Variants in AFF3 observed in about 807,000 individuals in gnomAD.
AFF3 encodes the protein ALF transcription elongation factor 3.
Under a neutral mutation model 129.7 loss-of-function variants are expected in AFF3, and 32 were observed. The observed-to-expected ratio is 0.25, with a 90% CI of 0.19 to 0.33. The LOEUF (loss-of-function observed/expected upper bound fraction) is 0.33. Ranked by LOEUF, AFF3 falls within the 10% of genes least tolerant of loss-of-function variation. The pLI, the probability that AFF3 is intolerant of heterozygous loss-of-function variation, is 1.00. For synonymous variants in AFF3, 644 were observed against 635.4 expected (o/e 1.01, Z -0.20); for missense variants, 1,373 against 1,592.0 (o/e 0.86, Z 2.34).
At chr2:99,866,962 C>CATA (rs1191700795) in intron 7 of AFF3, among the ~76,000 whole-genome samples, 2,715 of 93,850 alleles carry the variant, frequency 0.029, 48 homozygotes, top group Admixed American at 0.054. Flanking sequence ...GGTAACACAG[C>CATA]ATAATAATAA....
intron 24 of AFF3, among the ~76,000 whole-genome samples, chr2:99,552,998 T>A (rs936244690): frequency 6.6e-6 from 1 of 152,172 alleles, no homozygotes; most frequent in Non-Finnish European, 1.5e-5. Flanking sequence ...AATGGTGCGA[T>A]CTTGGCTGTC....
chr2:99,619,721 G>A (rs1354880009), intron 13 of AFF3, among the ~76,000 whole-genome samples: 3 of 152,136 alleles, frequency 2.0e-5, no homozygotes, highest in Non-Finnish European at 4.4e-5. Context: ...TCTTTAGGTG[G>A]ATTCGCCTCA....
chr2:99,715,621 C>T (rs1339130500), intron 11 of AFF3, among the ~76,000 whole-genome samples: 2 of 151,902 alleles, frequency 1.3e-5, no homozygotes, highest in East Asian at 1.9e-4. Context: ...TTTTTTCCTC[C>T]GAGGAGTTCA....
chr2:99,869,120 T>C (rs575472656), intron 7 of AFF3, among the ~76,000 whole-genome samples: 1 of 152,180 alleles, frequency 6.6e-6, no homozygotes, highest in South Asian at 2.1e-4. Context: ...TTAATATAAG[T>C]TCCTAGTTCT....
chr2:99,667,936 C>T (rs1686818915), intron 12 of AFF3, among the ~76,000 whole-genome samples: 1 of 151,844 alleles, frequency 6.6e-6, no homozygotes, highest in South Asian at 2.1e-4. Context: ...GCGGGTAGAT[C>T]ATGAGGTCAG....
intron 17 of AFF3, 100 bp downstream of exon 17, chr2:99,582,698 A>AC: frequency 7.7e-7 from 1 of 1,294,264 alleles, no homozygotes; most frequent in Non-Finnish European, 1.1e-6. Flanking sequence ...TTCTCAAGGG[A>AC]CCTCAAGCAT....
intron 8 of AFF3, among the ~76,000 whole-genome samples, chr2:99,795,145 T>C (rs1359856087): frequency 6.6e-6 from 1 of 152,036 alleles, no homozygotes; most frequent in Admixed American, 6.6e-5. Flanking sequence ...CAATGGATGA[T>C]TGGACAGAGA....
Position 99,558,913 on chromosome 2 carries a change from C to T in AFF3, c.3247G>A (p.Ala1083Thr). ...ATTAGTGCTTTTGAATACTTTACAG[C>T]GTGGTCCCTTTTGAGTCGAAACATC... Reference protein sequence around the residue: ...WRMFRLKRDHAVKYSKALIDY... With the variant: ...WRMFRLKRDHTVKYSKALIDY... Residue 1083 changes from alanine to threonine, a missense_variant, in exon 22 of 25, where the codon GCT becomes ACT. Transcript: ENST00000672756. 6.2e-7 allele frequency: 1 copy of T among 1,614,140 alleles called. No individual in the cohort carries two copies. The highest frequency in any genetic ancestry group is 8.5e-7 in the Non-Finnish European group (1 of 1,179,992).
At chr2:99,970,695 A>G (rs1249066671) in intron 7 of AFF3, among the ~76,000 whole-genome samples, 1 of 151,502 alleles carries the variant, frequency 6.6e-6, no homozygotes, top group African/African-American at 2.4e-5. Context: ...TCCCTTTCCT[A>G]TTGGGGTCTA....
intron 7 of AFF3, among the ~76,000 whole-genome samples, chr2:99,892,909 G>C (rs1407821787): frequency 6.6e-6 from 1 of 152,152 alleles, no homozygotes; most frequent in African/African-American, 2.4e-5. Flanking sequence ...CTCGTGGTGG[G>C]GCCCAGCATT....
chr2:99,571,758 T>G (rs2104701612), intron 18 of AFF3, among the ~76,000 whole-genome samples: 1 of 152,296 alleles, frequency 6.6e-6, no homozygotes, highest in Middle Eastern at 3.4e-3. Flanking sequence ...TGATTTCTAG[T>G]GCTGTACTTC....
intron 8 of AFF3, among the ~76,000 whole-genome samples, chr2:99,813,909 T>G (rs1686998722): frequency 1.3e-5 from 2 of 152,222 alleles, no homozygotes; most frequent in African/African-American, 4.8e-5. Context: ...TGAGTACTAC[T>G]GAGCAAGTTG....
intron 8 of AFF3, among the ~76,000 whole-genome samples, chr2:99,834,505 A>G (rs1220841006): frequency 2.0e-5 from 3 of 152,230 alleles, no homozygotes; most frequent in Non-Finnish European, 4.4e-5. Flanking sequence ...GGGAAGTTAC[A>G]GCCTTTCCTC....
At chr2:100,081,992 C>T (rs890940820) in intron 4 of AFF3, among the ~76,000 whole-genome samples, 2 of 152,000 alleles carry the variant, frequency 1.3e-5, no homozygotes, top group African/African-American at 2.4e-5. Context: ...AGCTCTTGTG[C>T]GTTTTTTAAA....
intron 7 of AFF3, among the ~76,000 whole-genome samples, chr2:99,990,892 C>G (rs2104584944): frequency 6.6e-6 from 1 of 152,074 alleles, no homozygotes; most frequent in Admixed American, 6.5e-5. Context: ...GAGTTGAAAC[C>G]AAGAAAATGA....
intron 7 of AFF3, among the ~76,000 whole-genome samples, chr2:99,935,004 C>T (rs899452428): frequency 6.6e-5 from 10 of 152,186 alleles, no homozygotes; most frequent in Admixed American, 6.5e-4. Context: ...GTCATGTATA[C>T]CTTATTTCTC....
intron 8 of AFF3, among the ~76,000 whole-genome samples, chr2:99,769,598 G>T (rs1393977185): frequency 1.3e-5 from 2 of 152,192 alleles, no homozygotes; most frequent in African/African-American, 2.4e-5. Context: ...GGTCCTTATT[G>T]TAGTCTTTGC....
intron 12 of AFF3, 103 bp downstream of exon 12, chr2:99,672,435 C>T: frequency 9.5e-7 from 1 of 1,055,364 alleles, no homozygotes; most frequent in Non-Finnish European, 1.4e-6. Flanking sequence ...AGACCAGCAG[C>T]CTGGAGTGCC....
intron 8 of AFF3, among the ~76,000 whole-genome samples, chr2:99,797,734 C>A (rs1490609820): frequency 6.6e-6 from 1 of 151,956 alleles, no homozygotes; most frequent in African/African-American, 2.4e-5. Flanking sequence ...GGAAACAATG[C>A]AAGTAAGAAG....
Sources: allele counts gnomAD v4.1 joint callset (sites outside exome capture counted in the v4.1 genomes callset), GRCh38; gene constraint gnomAD v4.1.1; transcripts MANE v1.5; gene names NCBI Gene and HGNC (gene_info 2026-07-23, HGNC 2026-07-21).